Variants in CENPE observed in about 807,000 individuals in gnomAD.
CENPE encodes centromere protein E.
A neutral mutation model predicts 336.1 loss-of-function variants in CENPE; 145 were observed. That is an observed-to-expected ratio of 0.43 (90% CI 0.38 to 0.50). The LOEUF (loss-of-function observed/expected upper bound fraction) is 0.50, where lower values mean the gene tolerates loss of function less well. Ranked by LOEUF, CENPE falls within the 20% of genes least tolerant of loss-of-function variation. The probability of loss-of-function intolerance (pLI) is 0.00; values close to 1 mark genes in which losing one functional copy is unlikely to be tolerated. For missense variants in CENPE, 2,719 were observed against 3,023.3 expected (o/e 0.90, Z 2.36); for synonymous variants, 1,013 against 984.8 (o/e 1.03, Z -0.54).
At position 103,108,862 on chromosome 4, in the gene CENPE, G is replaced by C. The variant is rs1229388941; in HGVS notation, c.7952C>G (p.Ser2651Cys). ...KSCFFDSRSK[S>C]LPSPHPVRYF... is the part of the protein sequence containing the mutation. ...GCGAACTGGATGAGGTGATGGTAAA[G>C]ACTTTGATCGGCTATCAAAAAAACA... The change falls in exon 48 of 49, where the codon TCT (serine) becomes TGT (cysteine). Residue 2651 changes from serine (S) to cysteine (C), a missense_variant. By Grantham distance (112) the Ser-to-Cys change is moderately radical. This residue lies in a region of CENPE where 2,437 missense variants were observed against 2,513.3 expected (regional missense o/e 0.97). Transcript: ENST00000265148. 4.3e-6 allele frequency: 7 copies of C among 1,613,906 alleles called. No individual in the cohort carries two copies. The highest frequency in any genetic ancestry group is 5.9e-6 in the Non-Finnish European group (7 of 1,179,830).
intron 42 of CENPE, among the ~76,000 whole-genome samples, chr4:103,129,029 A>G (rs1314271728): frequency 1.3e-5 from 2 of 152,214 alleles, no homozygotes; most frequent in African/African-American, 4.8e-5. Flanking sequence ...ATGACAGGAC[A>G]TCACTATAGA....
intron 5 of CENPE, 150 bp from the exon 6 acceptor site, chr4:103,194,834 T>A: frequency 1.6e-6 from 1 of 619,198 alleles, no homozygotes; most frequent in South Asian, 2.5e-5. Context: ...CAAATAATTC[T>A]ATGAATACCC....
Position 103,186,523 on chromosome 4 carries a change from T to C in CENPE, c.694-662A>G, listed in dbSNP as rs1345752483. On this transcript the variant is annotated intron_variant, in intron 8 of 48. Transcript: ENST00000265148. ...CTGTAGCAATACCATGACTTTACTG[T>C]GGCATCTTTAAGAGCTGGACCTCTC... Among the ~76,000 whole-genome samples, 10 of 152,186 alleles carry C rather than the reference T, an allele frequency of 6.6e-5. No individual in the cohort carries two copies. In the East Asian group the frequency reaches 1.9e-3, roughly 29 times the overall value.
chr4:103,162,041 A>G (rs1431240679), intron 18 of CENPE, among the ~76,000 whole-genome samples: 2 of 152,182 alleles, frequency 1.3e-5, no homozygotes, highest in African/African-American at 4.8e-5. Flanking sequence ...AAATTAATAC[A>G]TGAATGAATA....
chr4:103,191,745 G>T (rs1238077665), intron 8 of CENPE, among the ~76,000 whole-genome samples: 1 of 151,778 alleles, frequency 6.6e-6, no homozygotes, highest in East Asian at 1.9e-4. Context: ...GTATACATAT[G>T]TAACAAACGT....
chr4:103,121,279 A>C (rs1415328635), intron 43 of CENPE, among the ~76,000 whole-genome samples: 1 of 152,166 alleles, frequency 6.6e-6, no homozygotes, highest in African/African-American at 2.4e-5. Context: ...ACTTGAGAAC[A>C]TATTTTTTCC....
At chr4:103,142,918 A>C (rs1324831606) in intron 34 of CENPE, among the ~76,000 whole-genome samples, 1 of 149,336 alleles carries the variant, frequency 6.7e-6, no homozygotes, top group Non-Finnish European at 1.5e-5. Context: ...TTGAGGCAGG[A>C]GAATCGCTTG....
At chr4:103,138,238 A>C in intron 39 of CENPE, 113 bp downstream of exon 39, 1 of 729,984 alleles carries the variant, frequency 1.4e-6, no homozygotes, top group Non-Finnish European at 2.4e-6. Context: ...TGTTTAGAAA[A>C]ATACTGAGCA....
At chr4:103,180,284 G>T (rs907954353) in intron 13 of CENPE, 27 bp downstream of exon 13, 1 of 1,598,200 alleles carries the variant, frequency 6.3e-7, no homozygotes. Context: ...TGTACATCAA[G>T]TTTAAGCTGT....
At chr4:103,132,375 G>A (rs952623041) in intron 42 of CENPE, among the ~76,000 whole-genome samples, 8 of 152,264 alleles carry the variant, frequency 5.3e-5, no homozygotes, top group East Asian at 3.9e-4. Context: ...CATGTCTTAC[G>A]ATCTCTAAGG....
intron 40 of CENPE, 53 bp downstream of exon 40, chr4:103,136,088 A>G: frequency 7.0e-7 from 1 of 1,429,658 alleles, no homozygotes. Flanking sequence ...ACTTAAATAC[A>G]TTGATGTTTA....
chr4:103,166,543 TA>T (rs1446552667), intron 16 of CENPE, among the ~76,000 whole-genome samples: 2 of 152,204 alleles, frequency 1.3e-5, no homozygotes, highest in Non-Finnish European at 2.9e-5. Context: ...ACCTATGAAA[TA>T]AAGCAATAAT....
chr4:103,141,609 T>C (rs377506378), intron 35 of CENPE, 141 bp downstream of exon 35: 38 of 580,730 alleles, frequency 6.5e-5, no homozygotes, highest in Middle Eastern at 4.6e-4. Flanking sequence ...AGTGGAAATG[T>C]TGGGCCTCAG....
chr4:103,161,634 CT>C (rs1308211527), intron 18 of CENPE, among the ~76,000 whole-genome samples, 177 bp from the exon 19 acceptor site: 1 of 151,870 alleles, frequency 6.6e-6, no homozygotes, highest in Non-Finnish European at 1.5e-5. Context: ...TTTAAAAATT[CT>C]GGTCATATTT....
At chr4:103,194,908 TAC>T (rs1194752117) in intron 5 of CENPE, among the ~76,000 whole-genome samples, 4 of 152,052 alleles carry the variant, frequency 2.6e-5, no homozygotes, top group Non-Finnish European at 5.9e-5. Flanking sequence ...TTGCTATTTT[TAC>T]ACTTAAACCA....
Position 103,136,333 on chromosome 4 carries a change from C to T in CENPE, c.6330G>A (p.Met2110Ile), listed in dbSNP as rs767578658. The T allele has an allele frequency of 1.9e-6, 3 of 1,611,124 alleles. No homozygotes were observed. The highest frequency in any genetic ancestry group is 1.7e-5 in the Admixed American group (1 of 59,926). ...TATTCAAGCACTCATAATGATCATC[C>T]ATCTCTGAGTATCTCTTCAAAAGCT... ...IKELLKRYSEMDDHYECLNRL... is the reference protein window; with the variant it reads ...IKELLKRYSEIDDHYECLNRL... Residue 2110 changes from methionine to isoleucine, a missense_variant, in exon 40 of 49, where the codon ATG becomes ATA. Met to Ile is a conservative substitution (Grantham distance 10, BLOSUM62 1). Transcript: ENST00000265148.
intron 28 of CENPE, among the ~76,000 whole-genome samples, chr4:103,148,568 T>C (rs1456795422): frequency 6.6e-6 from 1 of 152,224 alleles, no homozygotes; most frequent in East Asian, 1.9e-4. Flanking sequence ...CTCCATAGCA[T>C]TTACCACTAT....
chr4:103,150,584 C>CA (rs533053568), intron 26 of CENPE, among the ~76,000 whole-genome samples: 84 of 137,156 alleles, frequency 6.1e-4, no homozygotes, highest in Middle Eastern at 7.6e-3. Flanking sequence ...GACCCTGTCT[C>CA]AAAAAAAAAA....
intron 40 of CENPE, 106 bp downstream of exon 40, chr4:103,136,035 A>G (rs745450555): frequency 1.3e-5 from 12 of 894,674 alleles, no homozygotes; most frequent in Non-Finnish European, 2.1e-5. Context: ...TTAATTTGGT[A>G]GTAAGAATAC....
Sources: gnomAD v4.1 joint callset for allele counts (sites outside exome capture counted in the v4.1 genomes callset) on GRCh38, gnomAD v4.1.1 for gene constraint, gnomAD v4.1.1 regional missense constraint, MANE v1.5 for transcripts, NCBI Gene and HGNC (gene_info 2026-07-23, HGNC 2026-07-21) for gene names.